NSD1: variants seen among roughly 807,000 people sequenced by gnomAD.
NSD1 encodes histone-lysine N-methyltransferase, H3 lysine-36 specific.
In NSD1, 26 loss-of-function variants were observed where a neutral mutation model predicts 242.7. The observed-to-expected ratio is 0.11, with a 90% CI of 0.08 to 0.15. The LOEUF (loss-of-function observed/expected upper bound fraction) is 0.15, where lower values mean the gene tolerates loss of function less well. Ranked by LOEUF, NSD1 falls within the 10% of genes least tolerant of loss-of-function variation. The probability of loss-of-function intolerance (pLI) is 1.00; values close to 1 mark genes in which losing one functional copy is unlikely to be tolerated. For synonymous variants in NSD1, 1,106 were observed against 1,178.1 expected, an observed-to-expected ratio of 0.94 and a Z score of 1.25; for missense variants, 2,495 against 3,272.8, an observed-to-expected ratio of 0.76 and a Z score of 5.80.
At chr5:177,252,941 T>C (rs1180191676) in intron 12 of NSD1, among the ~76,000 whole-genome samples, 3 of 151,946 alleles carry the variant, frequency 2.0e-5, no homozygotes, top group African/African-American at 7.3e-5. Context: ...AAAGTGTCAT[T>C]AGGGTAGGAT....
rs771850660 is a variant in NSD1 at position 177,282,599 on chromosome 5, C to A, written c.6009+18C>A. On this transcript the variant is annotated intron_variant, in intron 19 of 22. Transcript: ENST00000439151. Reference sequence around the variant, plus strand: ...TAGACAAAGTAAGTAATGGGAAATGCTGTTTTCACTGTTACAAGATTGTAA... The same window carrying A: ...TAGACAAAGTAAGTAATGGGAAATGATGTTTTCACTGTTACAAGATTGTAA... The A allele has an allele frequency of 3.1e-5, 45 of 1,448,320 alleles. No homozygotes were observed. The South Asian group carries it at 5.0e-4, about 16-fold the overall frequency. The allele number at this position is 1,448,320 out of a possible 1,614,324, so 89.7% of individuals were successfully genotyped here. A position where few individuals can be genotyped will look rare whatever the true frequency, so the allele number is the denominator to read the frequency against.
chr5:177,275,089 C>T (rs1758259593), intron 17 of NSD1, among the ~76,000 whole-genome samples: 1 of 150,898 alleles, frequency 6.6e-6, no homozygotes. Context: ...ATTTGACCAC[C>T]ATCTTGAGAA....
intron 2 of NSD1, among the ~76,000 whole-genome samples, chr5:177,164,130 C>G (rs1758976050): frequency 6.8e-6 from 1 of 146,722 alleles, no homozygotes; most frequent in Non-Finnish European, 1.5e-5. Flanking sequence ...CCATCCTGTT[C>G]TTCACAGGAA....
At chr5:177,212,884 C>T (rs1763471125) in intron 5 of NSD1, among the ~76,000 whole-genome samples, 2 of 152,096 alleles carry the variant, frequency 1.3e-5, no homozygotes, top group African/African-American at 4.8e-5. Flanking sequence ...AGTGATCCGC[C>T]CACCAAAAGT....
intron 3 of NSD1, among the ~76,000 whole-genome samples, chr5:177,194,609 G>T (rs1210924482): frequency 7.0e-6 from 1 of 142,446 alleles, no homozygotes; most frequent in East Asian, 2.0e-4. Context: ...TTTTAAAAAG[G>T]ATGATTTCTC....
intron 17 of NSD1, among the ~76,000 whole-genome samples, chr5:177,275,998 T>C (rs1411261867): frequency 6.6e-6 from 1 of 152,210 alleles, no homozygotes; most frequent in East Asian, 1.9e-4. Flanking sequence ...TTTGGCTCAC[T>C]GCAACCTCCG....
At chr5:177,145,259 T>G (rs1757140222) in intron 2 of NSD1, among the ~76,000 whole-genome samples, 1 of 151,952 alleles carries the variant, frequency 6.6e-6, no homozygotes, top group Non-Finnish European at 1.5e-5. Context: ...TCTTTTCATA[T>G]GAGCATGTAA....
chr5:177,131,922 G>C (rs1284149302), upstream of NSD1, among the ~76,000 whole-genome samples: 2 of 152,234 alleles, frequency 1.3e-5, no homozygotes, highest in African/African-American at 4.8e-5. Flanking sequence ...CTAGGGACCA[G>C]GTAACTCCTG....
intron 5 of NSD1, among the ~76,000 whole-genome samples, chr5:177,213,315 TATC>T (rs1056780448): frequency 2.2e-4 from 34 of 152,230 alleles, no homozygotes; most frequent in African/African-American, 6.0e-4. Context: ...AAAATGCAGT[TATC>T]ATATCATAAA....
rs149334244 is a variant in NSD1, at chr5:177,135,863, C to T, written c.760C>T (p.Leu254Phe). Reference protein sequence around the residue: ...VDGSNEKAALLPAPFSLGDTN... With the variant: ...VDGSNEKAALFPAPFSLGDTN... ...CGGCAGCAATGAAAAAGCAGCCCTTCTCCCAGCCCCCTTTTCACTAGGAGA... is the reference window on the plus strand; with the variant it reads ...CGGCAGCAATGAAAAAGCAGCCCTTTTCCCAGCCCCCTTTTCACTAGGAGA... The change falls in exon 2 of 23, where the codon CTC (leucine) becomes TTC (phenylalanine). Residue 254 changes from leucine (L) to phenylalanine (F), a missense_variant. By Grantham distance (22) the Leu-to-Phe change is conservative. This residue lies in a region of NSD1 where 376 missense variants were observed against 367.4 expected (regional missense o/e 1.02). Transcript: ENST00000439151. 392 of 1,606,222 alleles carry T rather than the reference C, an allele frequency of 2.4e-4. 1 individual carries two copies. In the African/African-American group the frequency reaches 4.6e-3, roughly 19 times the overall value.
Position 177,299,999 on chromosome 5 carries a change from T to TA in NSD1, c.*4541dup, listed in dbSNP as rs199804578. 921 of 231,278 alleles carry TA rather than the reference T, an allele frequency of 4.0e-3. 34 individuals are homozygous for TA. In the East Asian group the frequency reaches 0.052, roughly 13 times the overall value. 14.3% of individuals were successfully genotyped at this position (231,278 alleles called of 1,614,324 possible). ...CAAGCTGACGATAGACATCTACCTA[T>TA]ATTGTTAAGAAAGGGGTCGGGGGGA... On this transcript the variant is annotated 3_prime_UTR_variant, in exon 23 of 23. Coordinates refer to ENST00000439151, the MANE Select transcript of NSD1 (RefSeq NM_022455.5).
At chr5:177,234,818 A>G (rs889565895) in intron 5 of NSD1, among the ~76,000 whole-genome samples, 1 of 152,200 alleles carries the variant, frequency 6.6e-6, no homozygotes, top group African/African-American at 2.4e-5. Flanking sequence ...ATCCCACAGA[A>G]TGCCTCTTCA....
chr5:177,255,763 C>G (rs1756386842), intron 12 of NSD1, among the ~76,000 whole-genome samples: 1 of 151,912 alleles, frequency 6.6e-6, no homozygotes, highest in South Asian at 2.1e-4. Flanking sequence ...TTTTGTATTT[C>G]TAGTAGAGAC....
intron 22 of NSD1, among the ~76,000 whole-genome samples, chr5:177,293,528 A>ACCCCCCCCCCCCCCCCCCCCCCCC (rs1160524510): frequency 1.1e-5 from 1 of 87,296 alleles, no homozygotes; most frequent in Non-Finnish European, 2.3e-5. Context: ...TGTTGTCCCC[A>ACCCCCCCCCCCCCCCCCCCCCCCC]CCCCCGCCCC....
chr5:177,232,230 C>A (rs577773421), intron 5 of NSD1, among the ~76,000 whole-genome samples: 1 of 152,156 alleles, frequency 6.6e-6, no homozygotes, highest in African/African-American at 2.4e-5. Flanking sequence ...GACAGTAATA[C>A]AACCATATGA....
intron 12 of NSD1, among the ~76,000 whole-genome samples, chr5:177,254,996 T>C (rs543179471): frequency 1.3e-5 from 2 of 152,086 alleles, no homozygotes; most frequent in South Asian, 4.2e-4. Context: ...TGCAATAGGG[T>C]GGTCACATCA....
intron 2 of NSD1, among the ~76,000 whole-genome samples, chr5:177,158,289 C>CT (rs1433485444): frequency 0.039 from 3,612 of 93,252 alleles, 70 homozygotes; most frequent in African/African-American, 0.069. Flanking sequence ...TTCTTTCTTT[C>CT]TTTCTTTCTT....
At chr5:177,265,570 T>C in intron 14 of NSD1, 1 of 1,172,050 alleles carries the variant, frequency 8.5e-7, no homozygotes, top group Non-Finnish European at 1.3e-6. Context: ...GAGCCGGGCC[T>C]CAGCACATCC....
chr5:177,147,144 C>T (rs549840986), intron 2 of NSD1, among the ~76,000 whole-genome samples: 4 of 152,232 alleles, frequency 2.6e-5, no homozygotes, highest in South Asian at 2.1e-4. Context: ...CTTGCTCTGC[C>T]GCCCAGGCTG....
Sources: allele counts gnomAD v4.1 joint callset (sites outside exome capture counted in the v4.1 genomes callset), GRCh38; gene constraint gnomAD v4.1.1; regional missense constraint gnomAD v4.1.1; transcripts MANE v1.5; gene names NCBI Gene and HGNC (gene_info 2026-07-23, HGNC 2026-07-21).